Variants in SULT2B1 observed in about 807,000 individuals in gnomAD.
SULT2B1 encodes sulfotransferase 2B1.
Under a neutral mutation model 33.2 loss-of-function variants are expected in SULT2B1, and 16 were observed. The observed-to-expected ratio is 0.48, with a 90% CI of 0.33 to 0.73. SULT2B1 has a LOEUF of 0.73. SULT2B1 is among the 30% of genes least tolerant of loss of function. The pLI is 0.02. For synonymous variants in SULT2B1, 186 were observed against 200.5 expected (o/e 0.93, Z 0.61); for missense variants, 500 against 506.0 (o/e 0.99, Z 0.11).
rs115256880 is a variant in SULT2B1, at chr19:48,560,651, T to C, written c.71+8328T>C. On this transcript the variant is annotated intron_variant, in intron 1 of 6. Coordinates refer to ENST00000201586, the MANE Select transcript of SULT2B1 (RefSeq NM_177973.2). ...ATCTATCTGAAATATCATTTCCACATATAGTCAATTTCAAAAACTGTCAAT... is the reference window on the plus strand; with the variant it reads ...ATCTATCTGAAATATCATTTCCACACATAGTCAATTTCAAAAACTGTCAAT... 6.8e-3 allele frequency among the ~76,000 whole-genome samples: 1,032 copies of C among 152,280 alleles called. 10 individuals are homozygous for C. The highest frequency in any genetic ancestry group is 0.023 in the African/African-American group (937 of 41,566).
chr19:48,580,144 C>T (rs1422392188), intron 2 of SULT2B1, among the ~76,000 whole-genome samples: 2 of 149,264 alleles, frequency 1.3e-5, no homozygotes, highest in Non-Finnish European at 3.0e-5. Context: ...GTTGCCCAGA[C>T]TGGTTTCAAA....
chr19:48,597,865 G>A lies in SULT2B1; in HGVS notation c.826+946G>A, dbSNP rs1165459272. On this transcript the variant is annotated intron_variant, in intron 6 of 6. Coordinates refer to ENST00000201586, the MANE Select transcript of SULT2B1 (RefSeq NM_177973.2). ...TCACCGTGTTAGCCAGGATGGTCTC[G>A]ATCTCCTGACCACCCGCCTCTTCCT... is the stretch of plus-strand genomic sequence containing the variant. 2.7e-5 allele frequency among the ~76,000 whole-genome samples: 4 copies of A among 146,970 alleles called. No homozygotes were observed. In the East Asian group the frequency reaches 6.2e-4, roughly 23 times the overall value.
In SULT2B1 at chr19:48,575,922, C is replaced by T; in HGVS notation, c.72-19C>T. 6.2e-7 allele frequency: 1 copy of T among 1,606,430 alleles called. No individual in the cohort carries two copies. The highest frequency in any genetic ancestry group is 8.5e-7 in the Non-Finnish European group (1 of 1,173,850). ...ACCTCCCTACTCTCCCTCATGGCGT[C>T]TCCCCCACCTTTCCACAGCCAGAAG... On this transcript the variant is annotated intron_variant, in intron 1 of 6. Coordinates refer to ENST00000201586, the MANE Select transcript of SULT2B1 (RefSeq NM_177973.2).
At chr19:48,554,807 C>T (rs941924050) in intron 1 of SULT2B1, among the ~76,000 whole-genome samples, 1 of 150,812 alleles carries the variant, frequency 6.6e-6, no homozygotes, top group African/African-American at 2.4e-5. Flanking sequence ...TGAGATGAAC[C>T]CACTTTGACT....
intron 1 of SULT2B1, among the ~76,000 whole-genome samples, chr19:48,572,666 C>A (rs1357081746): frequency 1.3e-5 from 2 of 152,022 alleles, no homozygotes; most frequent in Non-Finnish European, 2.9e-5. Context: ...TAGGCTTTGA[C>A]CTGAGGGCAC....
At chr19:48,598,987 C>A in intron 6 of SULT2B1, 148 bp from the exon 7 acceptor site, 1 of 1,376,322 alleles carries the variant, frequency 7.3e-7, no homozygotes, top group Non-Finnish European at 9.6e-7. Context: ...ACAAAGGGGG[C>A]AATGTGGAGG....
At chr19:48,560,528 T>C (rs1973162119) in intron 1 of SULT2B1, among the ~76,000 whole-genome samples, 1 of 151,392 alleles carries the variant, frequency 6.6e-6, no homozygotes, top group Admixed American at 6.6e-5. Flanking sequence ...CCACCCTCCA[T>C]AGATATATAC....
intron 1 of SULT2B1, among the ~76,000 whole-genome samples, chr19:48,564,943 AC>A (rs1446903411): frequency 1.3e-5 from 2 of 151,900 alleles, no homozygotes; most frequent in Non-Finnish European, 2.9e-5. Flanking sequence ...GGTGCGTGCC[AC>A]CACGCCCGGC....
In SULT2B1 at chr19:48,558,050, C is replaced by G. The variant is rs143806893; in HGVS notation, c.71+5727C>G. Among the ~76,000 whole-genome samples, 57 of 152,312 alleles carry G rather than the reference C, an allele frequency of 3.7e-4. No homozygotes were observed. The East Asian group carries it at 0.011, about 29-fold the overall frequency. ...GCCCAGGATGTTATAATCCCTGTAACATCCTTGCAGTTGTTCTCAACCTGT... is the reference window on the plus strand; with the variant it reads ...GCCCAGGATGTTATAATCCCTGTAAGATCCTTGCAGTTGTTCTCAACCTGT... On this transcript the variant is annotated intron_variant, in intron 1 of 6. Coordinates refer to ENST00000201586, the MANE Select transcript of SULT2B1 (RefSeq NM_177973.2).
intron 2 of SULT2B1, among the ~76,000 whole-genome samples, chr19:48,576,888 GC>G (rs1973419646): frequency 2.0e-5 from 3 of 150,674 alleles, no homozygotes; most frequent in African/African-American, 7.3e-5. Context: ...CGATCTTCCT[GC>G]CTCAGCCTCC....
rs558568175 is a variant in SULT2B1, at chr19:48,566,662, T to C, written c.72-9279T>C. Among the ~76,000 whole-genome samples, 9 of 152,088 alleles carry C rather than the reference T, an allele frequency of 5.9e-5. No homozygotes were observed. The East Asian group carries it at 1.4e-3, about 23-fold the overall frequency. ...TTCCAGACCAGCCTGGGCAACATGGTAAAACCCCGTTTTTACTAAAATATA... is the reference window on the plus strand; with the variant it reads ...TTCCAGACCAGCCTGGGCAACATGGCAAAACCCCGTTTTTACTAAAATATA... On this transcript the variant is annotated intron_variant, in intron 1 of 6. Coordinates refer to ENST00000201586, the MANE Select transcript of SULT2B1 (RefSeq NM_177973.2).
At chr19:48,561,600 G>A (rs1250176446) in intron 1 of SULT2B1, among the ~76,000 whole-genome samples, 3 of 152,014 alleles carry the variant, frequency 2.0e-5, no homozygotes, top group Admixed American at 2.0e-4. Flanking sequence ...GCGGTTCCAC[G>A]GTGTAGTGGA....
intron 1 of SULT2B1, among the ~76,000 whole-genome samples, chr19:48,569,454 AT>A (rs374010111): frequency 0.66 from 96,720 of 146,044 alleles, 32,609 homozygotes; most frequent in African/African-American, 0.76. Flanking sequence ...ATTCAGTGAC[AT>A]CTATCTGTAA....
chr19:48,591,558 G>A, intron 3 of SULT2B1, 51 bp from the exon 4 acceptor site: 2 of 1,577,770 alleles, frequency 1.3e-6, no homozygotes, highest in Non-Finnish European at 8.6e-7. Context: ...AGGGGCTGGG[G>A]TCTTGCCTGT....
intron 1 of SULT2B1, chr19:48,575,395 C>T (rs1285728330): frequency 1.3e-5 from 2 of 150,974 alleles, no homozygotes; most frequent in African/African-American, 2.4e-5. Context: ...GCCTTGACCT[C>T]CCAAAGTGCT....
chr19:48,598,520 G>A (rs1382742732), intron 6 of SULT2B1, among the ~76,000 whole-genome samples: 3 of 151,954 alleles, frequency 2.0e-5, no homozygotes, highest in Non-Finnish European at 2.9e-5. Flanking sequence ...TGAATCGGAG[G>A]TTGCAGTGAG....
rs183350931 is a variant in SULT2B1 at position 48,585,673 on chromosome 19, A to G, written c.215-1556A>G. Among the ~76,000 whole-genome samples, 186 of 151,506 alleles carry G rather than the reference A, an allele frequency of 1.2e-3. 1 individual carries two copies. Among genetic ancestry groups the G allele is most frequent in the Non-Finnish European group, 1.3e-4 (9 of 67,922 alleles). On this transcript the variant is annotated intron_variant, in intron 2 of 6. Transcript: ENST00000201586. ...AACAAGAGCAAAACTCCGTCTCAAAAAGAAAAAAAGTGGGGGTAGGGGGGA... is the reference window on the plus strand; with the variant it reads ...AACAAGAGCAAAACTCCGTCTCAAAGAGAAAAAAAGTGGGGGTAGGGGGGA...
chr19:48,573,839 C>T (rs1366795635), intron 1 of SULT2B1, among the ~76,000 whole-genome samples: 1 of 152,058 alleles, frequency 6.6e-6, no homozygotes, highest in Non-Finnish European at 1.5e-5. Flanking sequence ...TTCTACCCCA[C>T]CCACTGCACG....
At chr19:48,561,802 C>T (rs12611151) in intron 1 of SULT2B1, among the ~76,000 whole-genome samples, 2 of 151,996 alleles carry the variant, frequency 1.3e-5, no homozygotes, top group African/African-American at 4.8e-5. Flanking sequence ...CATCCCAGAG[C>T]CCCACTCCCC....
Sources: gnomAD v4.1 joint callset for allele counts (sites outside exome capture counted in the v4.1 genomes callset) on GRCh38, gnomAD v4.1.1 for gene constraint, MANE v1.5 for transcripts, NCBI Gene and HGNC (gene_info 2026-07-23, HGNC 2026-07-21) for gene names.